RGL3: variants seen among roughly 807,000 people sequenced by gnomAD.
RGL3 encodes the protein ral guanine nucleotide dissociation stimulator-like 3.
In RGL3, 85 loss-of-function variants were observed where a neutral mutation model predicts 90.6. That is an observed-to-expected ratio of 0.94 (90% CI 0.79 to 1.12). The LOEUF (loss-of-function observed/expected upper bound fraction) is 1.12, where lower values mean the gene tolerates loss of function less well. RGL3 is among the 50% of genes most tolerant of loss of function. The pLI is 0.00. For missense variants in RGL3, 1,034 were observed against 939.2 expected (o/e 1.10, Z -1.32); for synonymous variants, 408 against 385.5 (o/e 1.06, Z -0.68).
At position 11,417,056 on chromosome 19, in the gene RGL3, G is replaced by A. The variant is rs555627358; in HGVS notation, c.151C>T (p.Pro51Ser). Reference protein sequence around the residue: ...PAEGPGGSQAPSPIANTFLHY... With the variant: ...PAEGPGGSQASSPIANTFLHY... ...AGGAAGGTATTGGCAATGGGGCTGG[G>A]AGCCTGCAGGAGGGGAGAGGTGGCC... is the stretch of plus-strand genomic sequence containing the variant. The change falls in exon 3 of 19, where the codon CCC becomes TCC. Residue 51 changes from proline (P) to serine (S), a missense_variant. Pro to Ser is a moderately conservative substitution (Grantham distance 74, BLOSUM62 -1). Transcript: ENST00000380456. 9.4e-6 allele frequency: 15 copies of A among 1,591,338 alleles called. No individual in the cohort carries two copies. In the African/African-American group the frequency reaches 1.2e-4, roughly 13 times the overall value.
chr19:11,395,197 C>G (rs1968544032), intron 18 of RGL3, among the ~76,000 whole-genome samples: 1 of 151,942 alleles, frequency 6.6e-6, no homozygotes, highest in Admixed American at 6.6e-5. Context: ...TCCTGCTCAC[C>G]CTACCCCTCC....
intron 11 of RGL3, 89 bp from the exon 12 acceptor site, chr19:11,402,336 A>G: frequency 6.3e-7 from 1 of 1,585,572 alleles, no homozygotes; most frequent in South Asian, 1.1e-5. Flanking sequence ...GCCCCACTGT[A>G]GTAAGGGAGT....
Position 11,406,560 on chromosome 19 carries a change from T to C in RGL3, c.855A>G (p.Ala285=), listed in dbSNP as rs1337009512. The C allele has an allele frequency of 6.5e-7, 1 of 1,550,324 alleles. No homozygotes were observed. The highest frequency in any genetic ancestry group is 8.7e-7 in the Non-Finnish European group (1 of 1,147,656). The part of the protein sequence containing the change: ...VWSQRDRPGA[A]GASPTVRATV... ...TGGCGCGCACAGTGGGGGAGGCGCC[T>C]GCAGCCCCCGGCCGGTCCCTCTGCG... Residue 285 remains alanine (A), a synonymous_variant, in exon 7 of 19, where the codon GCA becomes GCG. Coordinates refer to ENST00000380456, the MANE Select transcript of RGL3 (RefSeq NM_001035223.4).
chr19:11,398,343 T>G (rs1968613458), intron 16 of RGL3, among the ~76,000 whole-genome samples: 1 of 152,054 alleles, frequency 6.6e-6, no homozygotes, highest in African/African-American at 2.4e-5. Context: ...GATTCTTTTC[T>G]TTTTCTTTTC....
intron 16 of RGL3, among the ~76,000 whole-genome samples, chr19:11,399,397 T>C (rs74768424): frequency 1.1e-3 from 172 of 152,022 alleles, no homozygotes; most frequent in Non-Finnish European, 1.9e-3. Context: ...CGAAACCTCA[T>C]CTCTACTAAA....
At chr19:11,417,146 C>CTT (rs371191654) in intron 2 of RGL3, 87 bp from the exon 3 acceptor site, 218 of 696,322 alleles carry the variant, frequency 3.1e-4, no homozygotes, top group Non-Finnish European at 3.7e-4. Flanking sequence ...TAGCACCACT[C>CTT]TTTTTTTTTT....
rs1219383117 is a variant in RGL3, at chr19:11,414,343, TTA to T, written c.637+1592_637+1593del. ...TACCTTCATATATATATATATACCTTTATATATATATACCTTTATATATACCT... is the reference window on the plus strand; with the variant it reads ...TACCTTCATATATATATATATACCTTTATATATATACCTTTATATATACCT... On this transcript the variant is annotated intron_variant, in intron 5 of 18. Transcript: ENST00000380456. Among the ~76,000 whole-genome samples, 74 of 102,610 alleles carry T rather than the reference TTA, an allele frequency of 7.2e-4. 2 individuals carry two copies. Among genetic ancestry groups the T allele is most frequent in the African/African-American group, 2.5e-3 (64 of 25,208 alleles). 67.3% of individuals were successfully genotyped at this position (102,610 alleles called of 152,430 possible).
chr19:11,400,326 T>C, intron 13 of RGL3, 29 bp from the exon 14 acceptor site: 1 of 1,524,976 alleles, frequency 6.6e-7, no homozygotes, highest in Non-Finnish European at 8.8e-7. Flanking sequence ...GATGAGGTGG[T>C]GGGGGCAGGA....
At chr19:11,417,156 T>G in intron 2 of RGL3, 97 bp from the exon 3 acceptor site, 17 of 974,054 alleles carry the variant, frequency 1.7e-5, no homozygotes, top group South Asian at 3.6e-5. Flanking sequence ...CTTTTTTTTT[T>G]TGTTTTTTTT....
At chr19:11,411,638 T>C (rs1968877055) in intron 5 of RGL3, among the ~76,000 whole-genome samples, 1 of 152,198 alleles carries the variant, frequency 6.6e-6, no homozygotes, top group South Asian at 2.1e-4. Context: ...TTTTCTGTTT[T>C]TGAGGCAGGG....
Position 11,395,928 on chromosome 19 carries a change from C to CT in RGL3, c.2014+1315_2014+1316insA, listed in dbSNP as rs1568333974. ...AGGCGTGAGCCACCATGCCCGGCCC[C>CT]CTTTTTTTTTTTTAATTGAGACAGG... On this transcript the variant is annotated intron_variant, in intron 18 of 18. Coordinates refer to ENST00000380456, the MANE Select transcript of RGL3 (RefSeq NM_001035223.4). 1.6e-3 allele frequency among the ~76,000 whole-genome samples: 232 copies of CT among 145,270 alleles called. 3 individuals carry two copies. The highest frequency in any genetic ancestry group is 5.4e-3 in the African/African-American group (209 of 38,884).
intron 5 of RGL3, among the ~76,000 whole-genome samples, chr19:11,414,512 T>TACACCTTC (rs1423379205): frequency 1.6e-4 from 18 of 112,442 alleles, no homozygotes; most frequent in African/African-American, 5.7e-4. Context: ...TATATATATA[T>TACACCTTC]ATATATATAT....
rs762662823 is a variant in RGL3, at chr19:11,405,419, C to T, written c.1004G>A (p.Arg335Gln). Residue 335 changes from arginine to glutamine, a missense_variant, in exon 8 of 19, where the codon CGA becomes CAA. Coordinates refer to ENST00000380456, the MANE Select transcript of RGL3 (RefSeq NM_001035223.4). ...EKWIRIAQRC[R>Q]ELRNFSSLRA... ...CAAGGAGGAGAAGTTCCGCAGTTCT[C>T]GGCAGCGCTGCCAGGCGGTGGGGAC... The T allele has an allele frequency of 1.1e-5, 16 of 1,504,290 alleles. No homozygotes were observed. The South Asian group carries it at 1.1e-4, about 11-fold the overall frequency. The allele number at this position is 1,504,290 out of a possible 1,614,324, so 93.2% of individuals were successfully genotyped here.
chr19:11,404,074 G>A (rs1968727227), intron 9 of RGL3, among the ~76,000 whole-genome samples: 1 of 152,056 alleles, frequency 6.6e-6, no homozygotes, highest in Non-Finnish European at 1.5e-5. Context: ...GCAGAGATGG[G>A]GTTTTGCCAT....
At chr19:11,402,164 G>GGCCCCC in intron 12 of RGL3, 32 bp from the exon 13 acceptor site, 3 of 1,585,700 alleles carry the variant, frequency 1.9e-6, no homozygotes, top group Non-Finnish European at 1.7e-6. Flanking sequence ...CCCTACCCCT[G>GGCCCCC]CCCCACCCCC....
intron 18 of RGL3, chr19:11,394,745 CT>C: frequency 2.0e-6 from 1 of 492,888 alleles, no homozygotes; most frequent in Non-Finnish European, 3.7e-6. Context: ...CCTGGGCAAC[CT>C]CCTAATATTC....
At chr19:11,406,235 G>C (rs531744390) in intron 7 of RGL3, among the ~76,000 whole-genome samples, 184 bp downstream of exon 7, 3 of 151,948 alleles carry the variant, frequency 2.0e-5, no homozygotes, top group South Asian at 4.2e-4. Context: ...GGACCTAGTC[G>C]TGCCCGCGGC....
intron 18 of RGL3, among the ~76,000 whole-genome samples, chr19:11,395,251 AC>A (rs1968545150): frequency 6.6e-6 from 1 of 151,812 alleles, no homozygotes; most frequent in Non-Finnish European, 1.5e-5. Context: ...GTCACCATGA[AC>A]TTGAATAACT....
chr19:11,417,060 C>T lies in RGL3; in HGVS notation c.148-1G>A. On this transcript the variant is annotated splice_acceptor_variant, in intron 2 of 18. Transcript: ENST00000380456. LOFTEE classifies it high-confidence loss of function. Reference sequence around the variant, plus strand: ...AGGTATTGGCAATGGGGCTGGGAGCCTGCAGGAGGGGAGAGGTGGCCATGA... The same window carrying T: ...AGGTATTGGCAATGGGGCTGGGAGCTTGCAGGAGGGGAGAGGTGGCCATGA... The T allele has an allele frequency of 1.3e-6, 2 of 1,590,022 alleles. No individual in the cohort carries two copies. The highest frequency in any genetic ancestry group is 1.7e-6 in the Non-Finnish European group (2 of 1,167,066).
Sources: gnomAD v4.1 joint callset for allele counts (sites outside exome capture counted in the v4.1 genomes callset) on GRCh38, gnomAD v4.1.1 for gene constraint, MANE v1.5 for transcripts, NCBI Gene and HGNC (gene_info 2026-07-23, HGNC 2026-07-21) for gene names.